The following VWA2 variants were observed in gnomAD, a reference collection of about 807,000 sequenced individuals.
VWA2 encodes von Willebrand factor A domain-containing protein 2.
A neutral mutation model predicts 70.4 loss-of-function variants in VWA2; 73 were observed. That is an observed-to-expected ratio of 1.04 (90% CI 0.86 to 1.26). The LOEUF is 1.26. VWA2 is among the 50% of genes most tolerant of loss of function. The pLI is 0.00. For missense variants in VWA2, 1,011 were observed against 998.5 expected (o/e 1.01, Z -0.17); for synonymous variants, 407 against 423.3 (o/e 0.96, Z 0.47).
chr10:114,281,659 A>G (rs1185525935), intron 8 of VWA2: 2 of 856,666 alleles, frequency 2.3e-6, no homozygotes, highest in African/African-American at 3.7e-5. Flanking sequence ...TCGTGTGGAC[A>G]CTTGTTGTGT....
chr10:114,283,051 C>T (rs1007805440), intron 9 of VWA2, among the ~76,000 whole-genome samples: 3 of 152,190 alleles, frequency 2.0e-5, no homozygotes, highest in Non-Finnish European at 2.9e-5. Context: ...CCCAAATTAA[C>T]GTGAGGAATC....
At chr10:114,254,438 G>A (rs939905247) in intron 3 of VWA2, among the ~76,000 whole-genome samples, 9 of 152,098 alleles carry the variant, frequency 5.9e-5, no homozygotes, top group African/African-American at 2.2e-4. Context: ...TGCTCACCAG[G>A]TAACGGGGTG....
Position 114,241,977 on chromosome 10 carries a change from A to G in VWA2, c.-11+2408A>G, listed in dbSNP as rs533121951. 4.1e-5 allele frequency among the ~76,000 whole-genome samples: 6 copies of G among 145,496 alleles called. No individual in the cohort carries two copies. The South Asian group carries it at 8.6e-4, about 21-fold the overall frequency. ...TGCATTCCCTGCAAAATGTTTCTGTATAACCCCAAGGCAGCACAGTGGGAC... is the reference window on the plus strand; with the variant it reads ...TGCATTCCCTGCAAAATGTTTCTGTGTAACCCCAAGGCAGCACAGTGGGAC... On this transcript the variant is annotated intron_variant, in intron 1 of 13. Transcript: ENST00000392982.
intron 1 of VWA2, chr10:114,246,518 A>C (rs1466561939): frequency 2.5e-5 from 20 of 798,744 alleles, no homozygotes; most frequent in Non-Finnish European, 3.9e-5. Context: ...AAAAAAAAAA[A>C]AAAAAAACGA....
chr10:114,254,872 C>G, intron 3 of VWA2, 43 bp from the exon 4 acceptor site: 1 of 1,597,512 alleles, frequency 6.3e-7, no homozygotes, highest in Non-Finnish European at 8.6e-7. Context: ...GAAGTGAGAC[C>G]GACTTGCTCC....
intron 2 of VWA2, among the ~76,000 whole-genome samples, chr10:114,249,048 G>A (rs189532829): frequency 6.6e-6 from 1 of 152,130 alleles, no homozygotes; most frequent in East Asian, 1.9e-4. Flanking sequence ...TGCACGATGT[G>A]CAGGTTCGTT....
chr10:114,250,655 G>C (rs1291740178), intron 2 of VWA2, among the ~76,000 whole-genome samples: 1 of 152,232 alleles, frequency 6.6e-6, no homozygotes, highest in Non-Finnish European at 1.5e-5. Context: ...GGTGGAAGTT[G>C]AGGGCTGGTG....
At chr10:114,274,919 G>A (rs374024112) in intron 6 of VWA2, among the ~76,000 whole-genome samples, 35 of 152,218 alleles carry the variant, frequency 2.3e-4, no homozygotes, top group South Asian at 8.3e-4. Context: ...GCCATCTCCC[G>A]ACATGGGAAA....
intron 12 of VWA2, chr10:114,290,011 G>T: frequency 7.8e-5 from 25 of 321,248 alleles, no homozygotes; most frequent in Non-Finnish European, 1.2e-4. Context: ...AAAAAAAAAA[G>T]TCTGCCATGT....
At chr10:114,279,699 A>G (rs1456229001) in intron 8 of VWA2, among the ~76,000 whole-genome samples, 1 of 152,190 alleles carries the variant, frequency 6.6e-6, no homozygotes, top group East Asian at 1.9e-4. Context: ...GGAGGAGTTG[A>G]TTCGTTCCTT....
At chr10:114,239,625 C>G (rs1477771909) in intron 1 of VWA2, 56 bp downstream of exon 1, 1 of 152,326 alleles carries the variant, frequency 6.6e-6, no homozygotes, top group Non-Finnish European at 1.5e-5. Flanking sequence ...GTGCCGGCTG[C>G]CGATGACCGA....
intron 4 of VWA2, among the ~76,000 whole-genome samples, chr10:114,258,136 G>C (rs1463732141): frequency 2.0e-5 from 3 of 152,188 alleles, no homozygotes; most frequent in African/African-American, 7.2e-5. Flanking sequence ...AGAAGGGTTT[G>C]CATGAGGGCA....
At position 114,285,931 on chromosome 10, in the gene VWA2, C is replaced by T; in HGVS notation, c.998-8C>T. ...GCTTGACAGTGGGTGTTGCTGTGAT[C>T]CCCGCAGCCCTGAAGCTGAGCCTGG... On this transcript the variant is annotated splice_region_variant and splice_polypyrimidine_tract_variant and intron_variant, in intron 10 of 13. Transcript: ENST00000392982. 3 of 1,575,290 alleles carry T rather than the reference C, an allele frequency of 1.9e-6. No homozygotes were observed. Among genetic ancestry groups the T allele is most frequent in the Non-Finnish European group, 2.6e-6 (3 of 1,156,470 alleles).
At chr10:114,269,447 G>A (rs1415632897) in intron 5 of VWA2, among the ~76,000 whole-genome samples, 1 of 152,198 alleles carries the variant, frequency 6.6e-6, no homozygotes, top group Non-Finnish European at 1.5e-5. Flanking sequence ...AGGGCATGGT[G>A]GTGAGTGCCT....
chr10:114,270,708 G>A (rs1479240748), intron 5 of VWA2, among the ~76,000 whole-genome samples: 1 of 152,208 alleles, frequency 6.6e-6, no homozygotes, highest in African/African-American at 2.4e-5. Context: ...GATCAGAATC[G>A]GGTTGGTGGT....
chr10:114,276,678 T>C (rs2037850687), intron 6 of VWA2, among the ~76,000 whole-genome samples: 3 of 144,792 alleles, frequency 2.1e-5, no homozygotes, highest in Non-Finnish European at 4.6e-5. Flanking sequence ...CAGCAATTTT[T>C]TTTTTTTTTT....
chr10:114,281,566 T>TG, intron 8 of VWA2: 1 of 189,078 alleles, frequency 5.3e-6, no homozygotes, highest in South Asian at 1.8e-4. Flanking sequence ...TGGTGGCTGC[T>TG]GTGTTATCAC....
chr10:114,293,776 T>C lies in VWA2; in HGVS notation c.*2539T>C, dbSNP rs1332141796. Among the ~76,000 whole-genome samples, 1 of 152,232 alleles carries C rather than the reference T, an allele frequency of 6.6e-6. No homozygotes were observed. The highest frequency in any genetic ancestry group is 2.4e-5 in the African/African-American group (1 of 41,460). On this transcript the variant is annotated 3_prime_UTR_variant, in exon 14 of 14. Coordinates refer to ENST00000392982, the MANE Select transcript of VWA2 (RefSeq NM_001272046.2). ...TTCTAATAATTGACTCTTGCTTTTC[T>C]AGAGAAATATTTCCAAATGATGCTA...
At chr10:114,279,018 A>G (rs927112610) in intron 8 of VWA2, among the ~76,000 whole-genome samples, 167 bp downstream of exon 8, 2 of 152,158 alleles carry the variant, frequency 1.3e-5, no homozygotes, top group Admixed American at 6.5e-5. Flanking sequence ...GGAGAGGCAC[A>G]GCTACTCAGT....
Sources: gnomAD v4.1 joint callset for allele counts (sites outside exome capture counted in the v4.1 genomes callset) on GRCh38, gnomAD v4.1.1 for gene constraint, MANE v1.5 for transcripts, NCBI Gene and HGNC (gene_info 2026-07-23, HGNC 2026-07-21) for gene names.